The following RGS6 variants were observed in gnomAD, a reference collection of about 807,000 sequenced individuals.
RGS6 encodes regulator of G-protein signaling 6.
In RGS6, 30 loss-of-function variants were observed where a neutral mutation model predicts 78.5. The ratio of observed to expected loss-of-function variants is 0.38; its 90% CI spans 0.29 to 0.52. RGS6 has a LOEUF of 0.52. Ranked by LOEUF, RGS6 falls within the 20% of genes least tolerant of loss-of-function variation. RGS6 has a pLI of 0.85. For synonymous variants in RGS6, 206 were observed against 206.0 expected (o/e 1.00, Z 0.00); for missense variants, 495 against 609.7 (o/e 0.81, Z 1.98).
intron 2 of RGS6, among the ~76,000 whole-genome samples, chr14:72,087,947 G>A (rs1455887551): frequency 6.6e-6 from 1 of 152,060 alleles, no homozygotes; most frequent in Non-Finnish European, 1.5e-5. Context: ...TCATAGCTAT[G>A]ATCCTTAGAG....
At chr14:72,516,213 GT>G (rs1453190965) in intron 14 of RGS6, among the ~76,000 whole-genome samples, 1 of 152,238 alleles carries the variant, frequency 6.6e-6, no homozygotes, top group Non-Finnish European at 1.5e-5. Flanking sequence ...AGAAAGCCTT[GT>G]AGGTACTCTC....
At chr14:72,256,949 G>A (rs7350728) in intron 2 of RGS6, among the ~76,000 whole-genome samples, 87,074 of 152,022 alleles carry the variant, frequency 0.57, 25,554 homozygotes, top group African/African-American at 0.7. Flanking sequence ...TCTGAAATAT[G>A]TATGTGCACC....
intron 2 of RGS6, among the ~76,000 whole-genome samples, chr14:72,124,646 A>G (rs1159818245): frequency 6.6e-6 from 1 of 152,218 alleles, no homozygotes; most frequent in Non-Finnish European, 1.5e-5. Context: ...ATAGAAAAGC[A>G]TTTGCAGTAA....
chr14:72,176,932 A>C (rs1216896439), intron 2 of RGS6, among the ~76,000 whole-genome samples: 53 of 152,194 alleles, frequency 3.5e-4, no homozygotes, highest in Admixed American at 3.5e-3. Context: ...CATTATTCTG[A>C]CTTCCATCAA....
intron 2 of RGS6, among the ~76,000 whole-genome samples, chr14:72,291,234 A>G (rs1302228211): frequency 6.6e-6 from 1 of 152,066 alleles, no homozygotes; most frequent in African/African-American, 2.4e-5. Flanking sequence ...CGTGAGCTTC[A>G]TAGGCAAGCC....
chr14:72,375,314 A>C (rs1030535599), intron 3 of RGS6, among the ~76,000 whole-genome samples: 1 of 152,246 alleles, frequency 6.6e-6, no homozygotes, highest in Non-Finnish European at 1.5e-5. Flanking sequence ...AATGAAAACA[A>C]ATCTATATCT....
chr14:72,484,429 C>T (rs2096448932), intron 12 of RGS6, among the ~76,000 whole-genome samples: 1 of 152,150 alleles, frequency 6.6e-6, no homozygotes, highest in South Asian at 2.1e-4. Flanking sequence ...CCCACCTGCT[C>T]CATATATGTG....
chr14:71,906,225 T>C, the RGS6 span, among the ~76,000 whole-genome samples: 1 of 152,184 alleles, frequency 6.6e-6, no homozygotes, highest in Non-Finnish European at 1.5e-5. Context: ...AATGTGCCAA[T>C]AATAACTCTC....
At chr14:72,402,790 G>GTTTTTTTTTTTTTTTTT (rs1167831473) in intron 3 of RGS6, among the ~76,000 whole-genome samples, 2 of 75,800 alleles carry the variant, frequency 2.6e-5, no homozygotes, top group South Asian at 6.7e-4. Context: ...TGTTTTTTTG[G>GTTTTTTTTTTTTTTTTT]TTTTTTTTTT....
chr14:72,244,333 C>A (rs1003947769), intron 2 of RGS6, among the ~76,000 whole-genome samples: 2 of 151,704 alleles, frequency 1.3e-5, no homozygotes, highest in Non-Finnish European at 2.9e-5. Flanking sequence ...CCCTACCTAC[C>A]TCTCTCTGAA....
At chr14:72,621,096 G>A in the RGS6 span, among the ~76,000 whole-genome samples, 35 of 148,894 alleles carry the variant, frequency 2.4e-4, no homozygotes, top group East Asian at 7.9e-4. Context: ...AGCCAAGATC[G>A]CACCACTGCA....
chr14:72,243,600 AG>A, intron 2 of RGS6, among the ~76,000 whole-genome samples: 1 of 152,216 alleles, frequency 6.6e-6, no homozygotes, highest in East Asian at 1.9e-4. Flanking sequence ...ACTTGGTGAA[AG>A]GATATTTCTA....
At chr14:72,569,921 G>A (rs146434421), downstream of RGS6, among the ~76,000 whole-genome samples, 286 of 152,232 alleles carry the variant, frequency 1.9e-3, 2 homozygotes, top group African/African-American at 6.1e-3. Flanking sequence ...CCAGCCCCTC[G>A]GGCTGGTGGG....
intron 3 of RGS6, among the ~76,000 whole-genome samples, chr14:72,389,976 A>C (rs2152938113): frequency 6.6e-6 from 1 of 152,306 alleles, no homozygotes; most frequent in South Asian, 2.1e-4. Flanking sequence ...AAGACTCAAA[A>C]CAGATGGTGG....
chr14:71,884,529 G>A, the RGS6 span, among the ~76,000 whole-genome samples: 1 of 152,166 alleles, frequency 6.6e-6, no homozygotes, highest in Non-Finnish European at 1.5e-5. Context: ...ATTTGGCAGT[G>A]GGCTGGGTGT....
chr14:72,311,081 T>C (rs1776817124), intron 2 of RGS6, among the ~76,000 whole-genome samples: 1 of 152,194 alleles, frequency 6.6e-6, no homozygotes, highest in South Asian at 2.1e-4. Flanking sequence ...CCGAAGAATG[T>C]AGAGAGAAGC....
At chr14:72,534,438 A>G (rs2097219778) in intron 15 of RGS6, among the ~76,000 whole-genome samples, 1 of 152,224 alleles carries the variant, frequency 6.6e-6, no homozygotes, top group Non-Finnish European at 1.5e-5. Context: ...ATAAGTGAAG[A>G]CAAGTGGTAT....
chr14:72,221,236 A>T (rs1014807514), intron 2 of RGS6, among the ~76,000 whole-genome samples: 8 of 152,208 alleles, frequency 5.3e-5, no homozygotes, highest in African/African-American at 1.9e-4. Flanking sequence ...TTTGCAATTT[A>T]TGTCTACAAA....
At chr14:72,005,363 T>A (rs1051376459) in intron 2 of RGS6, among the ~76,000 whole-genome samples, 49 of 152,278 alleles carry the variant, frequency 3.2e-4, no homozygotes, top group African/African-American at 1.1e-3. Context: ...TTTAATTATG[T>A]GTTAATTTTA....
Sources: allele counts gnomAD v4.1 joint callset (sites outside exome capture counted in the v4.1 genomes callset), GRCh38; gene constraint gnomAD v4.1.1; transcripts MANE v1.5; gene names NCBI Gene and HGNC (gene_info 2026-07-23, HGNC 2026-07-21).